LRP1B: variants seen among roughly 807,000 people sequenced by gnomAD.
LRP1B encodes the protein LDL receptor related protein 1B, also known as low-density lipoprotein receptor-related protein 1B.
LRP1B carries 217 observed loss-of-function variants against 556.6 expected under a neutral mutation model. The ratio of observed to expected loss-of-function variants is 0.39; its 90% confidence interval spans 0.35 to 0.44. The LOEUF (loss-of-function observed/expected upper bound fraction) is 0.44, where lower values mean the gene tolerates loss of function less well. LRP1B is among the 20% of genes least tolerant of loss of function. The pLI is 1.00. For missense variants in LRP1B, 5,053 were observed against 5,620.8 expected (o/e 0.90, Z 3.23); for synonymous variants, 2,047 against 1,865.8 (o/e 1.10, Z -2.50).
intron 1 of LRP1B, among the ~76,000 whole-genome samples, chr2:141,892,445 T>C (rs2104916885): frequency 6.6e-6 from 1 of 152,108 alleles, no homozygotes; most frequent in South Asian, 2.1e-4. Context: ...TAAATCTATA[T>C]GGAGTGTTAT....
intron 2 of LRP1B, among the ~76,000 whole-genome samples, chr2:141,506,737 G>GA (rs573751522): frequency 6.6e-6 from 1 of 151,738 alleles, no homozygotes; most frequent in African/African-American, 2.4e-5. Context: ...ATATACAACA[G>GA]AAAAAAAAAA....
intron 2 of LRP1B, among the ~76,000 whole-genome samples, chr2:141,521,240 A>C (rs2105174125): frequency 6.6e-6 from 1 of 152,228 alleles, no homozygotes; most frequent in Non-Finnish European, 1.5e-5. Context: ...GCTACACATA[A>C]AATTTTAATG....
chr2:140,759,811 C>A (rs960878272), intron 35 of LRP1B, among the ~76,000 whole-genome samples: 3 of 152,114 alleles, frequency 2.0e-5, no homozygotes, highest in Non-Finnish European at 2.9e-5. Context: ...GTGATATACA[C>A]GAAGGTGTGT....
chr2:141,951,833 A>G (rs1701113681), intron 1 of LRP1B, among the ~76,000 whole-genome samples: 2 of 152,120 alleles, frequency 1.3e-5, no homozygotes, highest in Non-Finnish European at 2.9e-5. Flanking sequence ...AAAAGTTCAG[A>G]AGAATTTTTT....
At chr2:140,475,566 C>T (rs1459435703) in intron 59 of LRP1B, among the ~76,000 whole-genome samples, 1 of 150,626 alleles carries the variant, frequency 6.6e-6, no homozygotes, top group Non-Finnish European at 1.5e-5. Flanking sequence ...TTTTAGAACA[C>T]AAACTCATAT....
Position 140,716,697 on chromosome 2 carries a change from C to A in LRP1B, c.5878G>T (p.Val1960Phe). The A allele has an allele frequency of 6.2e-7, 1 of 1,610,254 alleles. No individual in the cohort carries two copies. The highest frequency in any genetic ancestry group is 1.1e-5 in the South Asian group (1 of 90,668). ...NGLGRVEGIA[V>F]DWIAGNIYWT... ...TGGATTATACCAGCAATCCAGTCAA[C>A]AGCTATCCCTTCCACTCTTCCCAAG... is the stretch of plus-strand genomic sequence containing the variant. The change falls in exon 36 of 91, where the codon GTT (valine) becomes TTT (phenylalanine). Residue 1960 changes from valine to phenylalanine, a missense_variant. Coordinates refer to ENST00000389484, the MANE Select transcript of LRP1B (RefSeq NM_018557.3).
At chr2:140,908,365 A>AATATATATATATAT (rs71834225) in intron 21 of LRP1B, among the ~76,000 whole-genome samples, 2 of 141,004 alleles carry the variant, frequency 1.4e-5, no homozygotes, top group Non-Finnish European at 3.0e-5. Context: ...ATATTTATAT[A>AATATATATATATAT]ATATATATAT....
chr2:141,115,628 T>TGTGTGTGTGC (rs1384419692), intron 7 of LRP1B, among the ~76,000 whole-genome samples: 19 of 50,024 alleles, frequency 3.8e-4, no homozygotes, highest in South Asian at 7.5e-4. Flanking sequence ...GGCTAATTTG[T>TGTGTGTGTGC]GTGTGTGTGT....
At chr2:141,600,288 G>A (rs1332606013) in intron 2 of LRP1B, among the ~76,000 whole-genome samples, 2 of 152,092 alleles carry the variant, frequency 1.3e-5, no homozygotes, top group Non-Finnish European at 2.9e-5. Flanking sequence ...GACCAATCAT[G>A]CCTGTCTCTG....
intron 3 of LRP1B, among the ~76,000 whole-genome samples, chr2:141,413,711 T>C (rs1445996046): frequency 6.6e-6 from 1 of 150,808 alleles, no homozygotes; most frequent in East Asian, 2.0e-4. Flanking sequence ...GTTTTTGTAT[T>C]ATTGTACAAA....
chr2:141,188,531 GT>G lies in LRP1B; in HGVS notation c.902del (p.Asp301AlafsTer20). On this transcript the variant is annotated frameshift_variant, in exon 7 of 91. Coordinates refer to ENST00000389484, the MANE Select transcript of LRP1B (RefSeq NM_018557.3). LOFTEE classifies it high-confidence loss of function. ...AAACAAAGATCCGGTCACCGACATG[GT>G]CCACAAAATAGAGATTTCGAGTGAG... Reference protein sequence around the residue: ...DWLTRNLYFVDHVGDRIFVCN... With the variant: ...DWLTRNLYFVXHVGDRIFVCN... 1 of 1,612,710 alleles carries G rather than the reference GT, an allele frequency of 6.2e-7. No homozygotes were observed. Among genetic ancestry groups the G allele is most frequent in the Non-Finnish European group, 8.5e-7 (1 of 1,179,210 alleles).
rs866113872 is a variant in LRP1B, at chr2:141,440,922, C to G, written c.343+39474G>C. 1.5e-4 allele frequency among the ~76,000 whole-genome samples: 23 copies of G among 152,306 alleles called. 1 individual carries two copies. The highest frequency in any genetic ancestry group is 3.4e-3 in the Middle Eastern group (1 of 294). ...ATTTCTGGTTGTCACACTGAAGGAA[C>G]AGCAGTGCCACAGGGATGCTACTAA... On this transcript the variant is annotated intron_variant, in intron 3 of 90. Coordinates refer to ENST00000389484, the MANE Select transcript of LRP1B (RefSeq NM_018557.3).
chr2:141,960,760 T>A (rs1301191399), intron 1 of LRP1B, among the ~76,000 whole-genome samples: 1 of 151,914 alleles, frequency 6.6e-6, no homozygotes, highest in Non-Finnish European at 1.5e-5. Flanking sequence ...GCAAAGATTA[T>A]CTTTCTATAC....
chr2:141,108,695 C>A (rs1700673649), intron 7 of LRP1B, among the ~76,000 whole-genome samples: 1 of 151,896 alleles, frequency 6.6e-6, no homozygotes, highest in African/African-American at 2.4e-5. Flanking sequence ...AAGTGACAAA[C>A]CTAGGTCAGT....
At chr2:142,116,400 A>G (rs1046756488) in intron 1 of LRP1B, among the ~76,000 whole-genome samples, 1 of 151,990 alleles carries the variant, frequency 6.6e-6, no homozygotes, top group Non-Finnish European at 1.5e-5. Context: ...GTTACTAAAG[A>G]ACTGACCAGC....
intron 2 of LRP1B, among the ~76,000 whole-genome samples, chr2:141,640,756 T>G (rs1381567983): frequency 2.6e-5 from 4 of 152,054 alleles, no homozygotes; most frequent in Non-Finnish European, 5.9e-5. Flanking sequence ...ATCATGCCAC[T>G]GTGCTCCAGC....
Position 140,233,281 on chromosome 2 carries a change from C to T in LRP1B, c.13705G>A (p.Gly4569Arg), listed in dbSNP as rs1157317785. 6.2e-7 allele frequency: 1 copy of T among 1,604,756 alleles called. No homozygotes were observed. Among genetic ancestry groups the T allele is most frequent in the Non-Finnish European group, 8.5e-7 (1 of 1,173,898 alleles). ...CCTAAGGAGTTTCGACAGTTTTGCC[C>T]ATCCATATATAATTTTGCATATACC... Reference protein sequence around the residue: ...NPVYAKLYMDGQNCRNSLGSV... With the variant: ...NPVYAKLYMDRQNCRNSLGSV... The change falls in exon 91 of 91, where the codon GGG (glycine) becomes AGG (arginine). Residue 4569 changes from glycine (G) to arginine (R), a missense_variant. By Grantham distance (125) the Gly-to-Arg change is moderately radical. Transcript: ENST00000389484.
chr2:141,063,426 A>G (rs1202166347), intron 7 of LRP1B, among the ~76,000 whole-genome samples: 1 of 151,904 alleles, frequency 6.6e-6, no homozygotes, highest in African/African-American at 2.4e-5. Flanking sequence ...AGTACAAGCT[A>G]GATTTTATTA....
At chr2:140,261,955 T>C (rs2104928107) in intron 86 of LRP1B, among the ~76,000 whole-genome samples, 1 of 152,178 alleles carries the variant, frequency 6.6e-6, no homozygotes, top group Non-Finnish European at 1.5e-5. Context: ...GTTTGTTTTT[T>C]AATTATGAGA....
Sources: gnomAD v4.1 joint callset for allele counts (sites outside exome capture counted in the v4.1 genomes callset) on GRCh38, gnomAD v4.1.1 for gene constraint, MANE v1.5 for transcripts, NCBI Gene and HGNC (gene_info 2026-07-23, HGNC 2026-07-21) for gene names.